Variants in MTTP observed in about 807,000 individuals in gnomAD.
The protein encoded by MTTP is microsomal triglyceride transfer protein large subunit.
In MTTP, 49 loss-of-function variants were observed where a neutral mutation model predicts 90.6. The ratio of observed to expected loss-of-function variants is 0.54; its 90% CI spans 0.43 to 0.69. The LOEUF (loss-of-function observed/expected upper bound fraction) is 0.69. Among genes scored for constraint, MTTP ranks in the 30% least tolerant of loss-of-function variants. MTTP has a pLI of 0.00. For missense variants in MTTP, 945 were observed against 1,067.5 expected (o/e 0.89, Z 1.60); for synonymous variants, 347 against 384.2 (o/e 0.90, Z 1.13).
chr4:99,613,169 T>C, intron 15 of MTTP, 29 bp downstream of exon 15: 3 of 1,575,694 alleles, frequency 1.9e-6, no homozygotes, highest in Non-Finnish European at 2.6e-6. Context: ...GAGTATTTAT[T>C]GAGTCCCTAA....
At position 99,591,303 on chromosome 4, in the gene MTTP, C is replaced by T. The variant is rs267599963; in HGVS notation, c.570C>T (p.Ala190=). The T allele has an allele frequency of 6.2e-7, 1 of 1,613,974 alleles. No homozygotes were observed. The highest frequency in any genetic ancestry group is 8.5e-7 in the Non-Finnish European group (1 of 1,179,920). Residue 190 remains alanine, a synonymous_variant, in exon 5 of 18, where the codon GCC becomes GCT. Coordinates refer to ENST00000265517, the MANE Select transcript of MTTP (RefSeq NM_001386140.1). ...AAGACAAAGTGATCAAAATTAAGGC[C>T]TTGGATTCATGCAAAATAGCGAGGT... ...AHQDKVIKIK[A]LDSCKIARSG...
intron 12 of MTTP, among the ~76,000 whole-genome samples, chr4:99,610,294 C>T (rs1328529406): frequency 1.3e-5 from 2 of 152,132 alleles, no homozygotes; most frequent in Admixed American, 6.5e-5. Flanking sequence ...CAAAGCAAAA[C>T]ACGTCTAGTC....
chr4:99,607,012 T>C (rs1402555588), intron 11 of MTTP, 52 bp downstream of exon 11: 1 of 1,444,056 alleles, frequency 6.9e-7, no homozygotes, highest in East Asian at 2.4e-5. Context: ...AAAAAAAGCA[T>C]GCTGAACATG....
chr4:99,601,052 C>A (rs1415717499), intron 9 of MTTP, among the ~76,000 whole-genome samples: 4 of 152,068 alleles, frequency 2.6e-5, no homozygotes, highest in Non-Finnish European at 5.9e-5. Context: ...ATCAATTTTA[C>A]AAGATTTGTT....
chr4:99,583,622 A>T (rs1187025912), intron 3 of MTTP, 105 bp downstream of exon 3: 2 of 1,357,770 alleles, frequency 1.5e-6, no homozygotes, highest in East Asian at 2.3e-5. Context: ...CTTTTATGGT[A>T]AATGGAATTT....
chr4:99,571,699 C>T (rs1450586415), upstream of MTTP, among the ~76,000 whole-genome samples: 1 of 151,730 alleles, frequency 6.6e-6, no homozygotes, highest in African/African-American at 2.4e-5. Flanking sequence ...TTAAACAATA[C>T]CTTTCAAAAT....
chr4:99,585,749 TA>T (rs1725243456), intron 3 of MTTP, among the ~76,000 whole-genome samples: 1 of 152,162 alleles, frequency 6.6e-6, no homozygotes, highest in Admixed American at 6.6e-5. Flanking sequence ...ATCATTATTT[TA>T]ATAACTGCAA....
intron 1 of MTTP, among the ~76,000 whole-genome samples, chr4:99,568,360 G>A (rs1724755538): frequency 6.6e-6 from 1 of 152,140 alleles, no homozygotes; most frequent in African/African-American, 2.4e-5. Flanking sequence ...TTCCTATATA[G>A]CAGCAGTGCA....
At chr4:99,569,927 T>TA (rs968236419), upstream of MTTP, among the ~76,000 whole-genome samples, 35 of 152,142 alleles carry the variant, frequency 2.3e-4, no homozygotes, top group African/African-American at 7.9e-4. Context: ...GTTGAATTGA[T>TA]ACGCCATAAT....
At chr4:99,570,578 C>A, upstream of MTTP, 1 of 401,018 alleles carries the variant, frequency 2.5e-6, no homozygotes. Context: ...GACAATGGCT[C>A]CCCAAAGATC....
chr4:99,618,169 A>G (rs1487659372), intron 15 of MTTP, among the ~76,000 whole-genome samples: 2 of 152,210 alleles, frequency 1.3e-5, no homozygotes, highest in Non-Finnish European at 2.9e-5. Context: ...GATGATTTAA[A>G]GTGTATGGGA....
chr4:99,616,825 G>A (rs1726109812), intron 15 of MTTP, among the ~76,000 whole-genome samples: 1 of 152,148 alleles, frequency 6.6e-6, no homozygotes, highest in Admixed American at 6.5e-5. Flanking sequence ...CAATGGAAAT[G>A]CTCTCTCCCC....
At chr4:99,578,162 TA>T (rs1420808477) in intron 1 of MTTP, among the ~76,000 whole-genome samples, 4 of 152,216 alleles carry the variant, frequency 2.6e-5, no homozygotes, top group African/African-American at 4.8e-5. Context: ...AAGGAGTATT[TA>T]AAAAATATTT....
At chr4:99,586,674 G>C (rs576017291) in intron 3 of MTTP, among the ~76,000 whole-genome samples, 2 of 152,022 alleles carry the variant, frequency 1.3e-5, no homozygotes, top group African/African-American at 4.8e-5. Context: ...TTGTTTGCTG[G>C]GATTCTTTTT....
chr4:99,580,798 G>A (rs962228759), intron 1 of MTTP, among the ~76,000 whole-genome samples: 18 of 152,074 alleles, frequency 1.2e-4, no homozygotes, highest in Non-Finnish European at 2.1e-4. Flanking sequence ...GGGCAAGTAC[G>A]TGCTGTCATA....
At chr4:99,595,145 G>T (rs1725524292) in intron 7 of MTTP, among the ~76,000 whole-genome samples, 1 of 152,170 alleles carries the variant, frequency 6.6e-6, no homozygotes, top group Admixed American at 6.5e-5. Context: ...AGAATTCAGG[G>T]AGGATAGAGG....
intron 2 of MTTP, 77 bp from the exon 3 acceptor site, chr4:99,583,297 C>T (rs1273437651): frequency 4.0e-6 from 6 of 1,496,650 alleles, no homozygotes; most frequent in Admixed American, 1.9e-5. Flanking sequence ...GTTTCTTTAT[C>T]ATTTTATTTT....
At position 99,581,908 on chromosome 4, in the gene MTTP, A is replaced by G; in HGVS notation, c.65A>G (p.His22Arg). The G allele has an allele frequency of 6.2e-7, 1 of 1,614,090 alleles. No individual in the cohort carries two copies. ...ISSYSASVKG[H>R]TTGLSLNNDR... is the part of the protein sequence containing the mutation. The stretch of plus-strand genomic sequence containing the variant: ...ATGTGTCATTATCTTTATGCAGGTC[A>G]CACAACTGGTCTCTCATTAAATAAT... Residue 22 changes from histidine (H) to arginine (R), a missense_variant, in exon 2 of 18, where the codon CAC (histidine) becomes CGC (arginine). Transcript: ENST00000265517.
At position 99,589,528 on chromosome 4, in the gene MTTP, T is replaced by C; in HGVS notation, c.394-115T>C. 6 of 707,164 alleles carry C rather than the reference T, an allele frequency of 8.5e-6. No individual in the cohort carries two copies. In the South Asian group the frequency reaches 9.1e-5, roughly 11 times the overall value. The allele number at this position is 707,164 out of a possible 1,614,324, so 43.8% of individuals were successfully genotyped here. A position where few individuals can be genotyped will look rare whatever the true frequency, so the allele number is the denominator to read the frequency against. ...GAAATTCCAGATTTGGAGTGTCAGA[T>C]CTCTTTCTCCCAGGATTAATACAGG... is the stretch of plus-strand genomic sequence containing the variant. On this transcript the variant is annotated intron_variant, in intron 3 of 17. Coordinates refer to ENST00000265517, the MANE Select transcript of MTTP (RefSeq NM_001386140.1).
Sources: allele counts gnomAD v4.1 joint callset (sites outside exome capture counted in the v4.1 genomes callset), GRCh38; gene constraint gnomAD v4.1.1; transcripts MANE v1.5; gene names NCBI Gene and HGNC (gene_info 2026-07-23, HGNC 2026-07-21).